Variants in CAST observed in about 807,000 individuals in gnomAD.
CAST encodes calpastatin.
CAST carries 76 observed loss-of-function variants against 119.6 expected under a neutral mutation model. That is an observed-to-expected ratio of 0.64 (90% CI 0.53 to 0.77). The LOEUF is 0.77. CAST is among the 30% of genes least tolerant of loss of function. CAST has a pLI of 0.00. For synonymous variants in CAST, 319 were observed against 331.6 expected (o/e 0.96, Z 0.41); for missense variants, 953 against 946.5 (o/e 1.01, Z -0.09).
At chr5:96,041,733 A>G in the CAST span, among the ~76,000 whole-genome samples, 8 of 152,102 alleles carry the variant, frequency 5.3e-5, no homozygotes, top group Non-Finnish European at 1.0e-4. Flanking sequence ...TAGAAAAGAT[A>G]GTCATAGGGC....
the CAST span, among the ~76,000 whole-genome samples, chr5:96,326,695 A>ATTTTTTTTTTTTT: frequency 5.2e-5 from 5 of 95,732 alleles, no homozygotes; most frequent in Admixed American, 1.4e-4. Context: ...ATGGCTTTTC[A>ATTTTTTTTTTTTT]TTTTTTTTTT....
At chr5:96,709,095 C>G (rs2150349581) in intron 3 of CAST, among the ~76,000 whole-genome samples, 1 of 152,344 alleles carries the variant, frequency 6.6e-6, no homozygotes, top group South Asian at 2.1e-4. Context: ...TTCCACTATA[C>G]AGAAATAAAT....
chr5:96,395,054 A>G, the CAST span: 9 of 1,547,086 alleles, frequency 5.8e-6, no homozygotes, highest in South Asian at 8.9e-5. Flanking sequence ...TACATTTAGT[A>G]TGTGTTTTAG....
intron 15 of CAST, 115 bp from the exon 16 acceptor site, chr5:96,742,540 C>T (rs1762906987): frequency 1.4e-6 from 1 of 715,436 alleles, no homozygotes; most frequent in African/African-American, 1.8e-5. Context: ...TTCTAGAGCA[C>T]TTCCCCAATC....
Position 96,748,556 on chromosome 5 carries a change from A to G in CAST, c.1371A>G (p.Glu457=). ...CAGAACTCATTGATGAACTTTCAGAAGATTTTGACCGGTCTGAATGTAAAG... is the reference window on the plus strand; with the variant it reads ...CAGAACTCATTGATGAACTTTCAGAGGATTTTGACCGGTCTGAATGTAAAG... ...SESELIDELS[E]DFDRSECKEK... Residue 457 remains glutamate, a synonymous_variant, in exon 19 of 32, where the codon GAA becomes GAG. Transcript: ENST00000675179. The G allele has an allele frequency of 6.3e-7, 1 of 1,588,776 alleles. No individual in the cohort carries two copies. The highest frequency in any genetic ancestry group is 8.6e-7 in the Non-Finnish European group (1 of 1,157,200).
the CAST span, among the ~76,000 whole-genome samples, chr5:96,288,028 A>T: frequency 3.9e-5 from 6 of 152,134 alleles, no homozygotes; most frequent in Non-Finnish European, 8.8e-5. Context: ...CTACACTTTT[A>T]AATATTTCAC....
intron 1 of CAST, among the ~76,000 whole-genome samples, chr5:96,632,493 G>A (rs1275926640): frequency 2.0e-5 from 3 of 151,942 alleles, no homozygotes; most frequent in Non-Finnish European, 2.9e-5. Context: ...TGTGTGTTTG[G>A]TGTCTTATCT....
intron 1 of CAST, among the ~76,000 whole-genome samples, chr5:96,600,730 T>C (rs1426475106): frequency 6.6e-6 from 1 of 152,204 alleles, no homozygotes; most frequent in East Asian, 1.9e-4. Context: ...CTGTATTTCT[T>C]GCAACCTGAA....
chr5:96,697,175 GAA>G (rs1243342568), intron 3 of CAST, among the ~76,000 whole-genome samples: 1 of 150,466 alleles, frequency 6.6e-6, no homozygotes, highest in African/African-American at 2.4e-5. Context: ...TCAAAAAAAA[GAA>G]AAAAAAAGTT....
At chr5:96,024,913 G>A in the CAST span, among the ~76,000 whole-genome samples, 1 of 152,042 alleles carries the variant, frequency 6.6e-6, no homozygotes, top group African/African-American at 2.4e-5. Flanking sequence ...CCAAGTAGAG[G>A]TCAGGCCTTC....
At chr5:96,165,103 G>C in the CAST span, among the ~76,000 whole-genome samples, 27 of 152,036 alleles carry the variant, frequency 1.8e-4, no homozygotes, top group Non-Finnish European at 3.8e-4. Context: ...CTCCGAGAGC[G>C]GTCAGATAAG....
chr5:96,656,061 T>G (rs547639989), intron 1 of CAST, among the ~76,000 whole-genome samples: 3 of 152,380 alleles, frequency 2.0e-5, no homozygotes, highest in African/African-American at 7.2e-5. Context: ...AAAACATAGT[T>G]CACATTATTC....
upstream of CAST, chr5:96,662,328 C>T (rs995001771): frequency 4.0e-6 from 3 of 751,080 alleles, no homozygotes; most frequent in Admixed American, 4.9e-5. Flanking sequence ...CCGCTCCCTC[C>T]CTCCCTCCCT....
intron 1 of CAST, among the ~76,000 whole-genome samples, chr5:96,619,219 C>T (rs561031290): frequency 9.2e-5 from 14 of 152,038 alleles, no homozygotes; most frequent in South Asian, 4.2e-4. Context: ...GGTTTGTAAA[C>T]GCACCAATCA....
At chr5:96,672,758 C>G (rs1750268110) in intron 1 of CAST, among the ~76,000 whole-genome samples, 1 of 141,824 alleles carries the variant, frequency 7.1e-6, no homozygotes, top group African/African-American at 2.6e-5. Context: ...TCATGAAGTT[C>G]TAAAAAAGTT....
chr5:96,297,867 C>G, the CAST span, among the ~76,000 whole-genome samples: 1 of 152,110 alleles, frequency 6.6e-6, no homozygotes, highest in African/African-American at 2.4e-5. Context: ...ATATGCAGAA[C>G]AATTTCTAAA....
chr5:96,525,822 C>T (rs1745589826), upstream of CAST, among the ~76,000 whole-genome samples: 1 of 152,154 alleles, frequency 6.6e-6, no homozygotes. Context: ...TGAAAATTGG[C>T]GTGCTGAGGT....
the CAST span, among the ~76,000 whole-genome samples, chr5:96,076,217 A>C: frequency 9.2e-5 from 14 of 152,184 alleles, no homozygotes; most frequent in African/African-American, 3.1e-4. Flanking sequence ...AGGTCAAATA[A>C]CATTTTGTGG....
chr5:96,146,503 A>G, the CAST span, among the ~76,000 whole-genome samples: 14 of 152,246 alleles, frequency 9.2e-5, no homozygotes. Context: ...TGCTGATGCT[A>G]TTGGTCTTGG....
Sources: gnomAD v4.1 joint callset for allele counts (sites outside exome capture counted in the v4.1 genomes callset) on GRCh38, gnomAD v4.1.1 for gene constraint, MANE v1.5 for transcripts, NCBI Gene and HGNC (gene_info 2026-07-23, HGNC 2026-07-21) for gene names.